Variants in ELMOD3 observed in about 807,000 individuals in gnomAD.
The protein encoded by ELMOD3 is ELMO domain-containing protein 3.
ELMOD3 carries 36 observed loss-of-function variants against 47.4 expected under a neutral mutation model. That is an observed-to-expected ratio of 0.76 (90% CI 0.58 to 1.00). The LOEUF (loss-of-function observed/expected upper bound fraction) is 1.00, where lower values mean the gene tolerates loss of function less well. ELMOD3 is among the 50% of genes least tolerant of loss of function. ELMOD3 has a pLI of 0.00. For missense variants in ELMOD3, 404 were observed against 463.8 expected, an observed-to-expected ratio of 0.87 and a Z score of 1.18; for synonymous variants, 149 against 183.5, an observed-to-expected ratio of 0.81 and a Z score of 1.52.
At chr2:85,389,566 C>G in intron 11 of ELMOD3, 185 bp from the exon 12 acceptor site, 1 of 610,428 alleles carries the variant, frequency 1.6e-6, no homozygotes, top group Non-Finnish European at 2.9e-6. Flanking sequence ...TACTAAAGGT[C>G]ACTGAGCCTT....
In ELMOD3 at chr2:85,376,968, T is replaced by C. The variant is rs1168234785; in HGVS notation, c.608-376T>C. On this transcript the variant is annotated intron_variant, in intron 10 of 13. Coordinates refer to ENST00000409013, the MANE Select transcript of ELMOD3 (RefSeq NM_001135022.2). This position sits in a 1 kb window ranked among gnomAD's most constrained non-coding sequence, Gnocchi z 4.2. ...GCCTTCTGTTTATTTTATATAGTAA[T>C]GTCCAGGGCTTTAGCTGTACTTAGT... The C allele has an allele frequency of 6.5e-6, 1 of 154,648 alleles. No homozygotes were observed. The highest frequency in any genetic ancestry group is 1.4e-5 in the Non-Finnish European group (1 of 69,568). 9.6% of individuals were successfully genotyped at this position (154,648 alleles called of 1,614,324 possible).
Position 85,390,211 on chromosome 2 carries a change from CAT to C in ELMOD3, c.890_891del (p.His297ArgfsTer70), listed in dbSNP as rs756572947. Reference sequence around the variant, plus strand: ...TGCCGCCACATTCCTCCACCTCGCACATGTCTGGAGGACACAGCGGAAGACCA... The same window carrying C: ...TGCCGCCACATTCCTCCACCTCGCACGTCTGGAGGACACAGCGGAAGACCA... ...FYAATFLHLA[H>X]VWRTQRKTIS... On this transcript the variant is annotated frameshift_variant, in exon 13 of 14. Coordinates refer to ENST00000409013, the MANE Select transcript of ELMOD3 (RefSeq NM_001135022.2). LOFTEE classifies it high-confidence loss of function. 56 of 1,614,092 alleles carry C rather than the reference CAT, an allele frequency of 3.5e-5. No individual in the cohort carries two copies. Among genetic ancestry groups the C allele is most frequent in the Non-Finnish European group, 4.4e-5 (52 of 1,180,032 alleles).
At chr2:85,390,529 G>A in intron 13 of ELMOD3, 1 of 1,587,312 alleles carries the variant, frequency 6.3e-7, no homozygotes, top group Non-Finnish European at 8.6e-7. Context: ...TCCAATAGTT[G>A]GACTATTCAA....
Position 85,371,524 on chromosome 2 carries a change from C to G in ELMOD3, c.569C>G (p.Ala190Gly). 1.2e-6 allele frequency: 2 copies of G among 1,614,178 alleles called. No individual in the cohort carries two copies. Among genetic ancestry groups the G allele is most frequent in the South Asian group, 2.2e-5 (2 of 91,082 alleles). The change falls in exon 10 of 14, where the codon GCC becomes GGC. Residue 190 changes from alanine to glycine, a missense_variant. By Grantham distance (60) the Ala-to-Gly change is moderately conservative. Coordinates refer to ENST00000409013, the MANE Select transcript of ELMOD3 (RefSeq NM_001135022.2). ...KKLTGSKFDCALHGNHWEDLG... is the reference protein window; with the variant it reads ...KKLTGSKFDCGLHGNHWEDLG... ...CTGACCGGCTCCAAGTTTGACTGTGCCCTTCATGGAAACCACTGGGAGGAC... is the reference window on the plus strand; with the variant it reads ...CTGACCGGCTCCAAGTTTGACTGTGGCCTTCATGGAAACCACTGGGAGGAC...
rs774846077 is a variant in ELMOD3, at chr2:85,369,775, TCTC to T, written c.308_310del (p.Ser103del). The T allele has an allele frequency of 5.6e-6, 9 of 1,613,968 alleles. No homozygotes were observed. In the East Asian group the frequency reaches 1.6e-4, roughly 28 times the overall value. On this transcript the variant is annotated inframe_deletion, in exon 8 of 14. Transcript: ENST00000409013. ...AGCTCAGAGCAGCCTGGGCAGCTAA[TCTC>T]CTTCAGTGAGGCCCTGCAGCACTTC...
At chr2:85,389,452 G>A (rs1686166660) in intron 11 of ELMOD3, 1 of 446,404 alleles carries the variant, frequency 2.2e-6, no homozygotes, top group Non-Finnish European at 4.1e-6. Flanking sequence ...GAGCTGACGG[G>A]TCAGGATGAT....
At chr2:85,363,934 A>C (rs1341171509) in intron 6 of ELMOD3, among the ~76,000 whole-genome samples, 3 of 152,162 alleles carry the variant, frequency 2.0e-5, no homozygotes, top group Non-Finnish European at 4.4e-5. Flanking sequence ...AGGCGGGGAC[A>C]CAGAGCCAAA....
chr2:85,377,347 C>T lies in ELMOD3; in HGVS notation c.611C>T (p.Ala204Val), dbSNP rs199957784. ...TTCCTCACGGTCTCTGTTACAGGAG[C>T]GAATCCAGCCACAGACCTGAGAGGC... ...NHWEDLGFQG[A>V]NPATDLRGAG... Residue 204 changes from alanine to valine, a missense_variant, in exon 11 of 14, where the codon GCG becomes GTG. Physicochemically the swap from Ala to Val is moderately conservative, Grantham distance 64. Transcript: ENST00000409013. The T allele has an allele frequency of 1.0e-5, 16 of 1,596,190 alleles. No individual in the cohort carries two copies. The highest frequency in any genetic ancestry group is 3.3e-4 in the Middle Eastern group (2 of 5,984).
Position 85,362,230 on chromosome 2 carries a change from C to T in ELMOD3, c.99C>T (p.Asp33=). 1 of 1,606,608 alleles carries T rather than the reference C, an allele frequency of 6.2e-7. No individual in the cohort carries two copies. Among genetic ancestry groups the T allele is most frequent in the Non-Finnish European group, 8.5e-7 (1 of 1,173,190 alleles). The change falls in exon 5 of 14, where the codon GAC becomes GAT. Residue 33 remains aspartate, a synonymous_variant. Transcript: ENST00000409013. Reference sequence around the variant, plus strand: ...GATATTCTCCATCATATGACAAGGACAAGAGTGTTCTGGCTTTCAGAGGAA... The same window carrying T: ...GATATTCTCCATCATATGACAAGGATAAGAGTGTTCTGGCTTTCAGAGGAA... ...SAGYSPSYDK[D]KSVLAFRGIP... is the part of the protein sequence containing the mutation.
At chr2:85,355,857 G>A (rs949031422) in intron 3 of ELMOD3, 3 of 152,196 alleles carry the variant, frequency 2.0e-5, no homozygotes, top group East Asian at 1.9e-4. Flanking sequence ...CCTGTCCCCC[G>A]GATTACAGTG....
intron 4 of ELMOD3, chr2:85,360,950 A>T (rs1291194878): frequency 1.3e-5 from 2 of 156,618 alleles, no homozygotes; most frequent in African/African-American, 4.8e-5. Context: ...GTTCAGAGAA[A>T]CTTCTCTAGT....
At chr2:85,387,307 GT>G in intron 11 of ELMOD3, 1 of 921,060 alleles carries the variant, frequency 1.1e-6, no homozygotes, top group African/African-American at 1.8e-5. Flanking sequence ...GTGATCTTAA[GT>G]AATGCTCACA....
At chr2:85,360,757 A>C (rs2104496696) in intron 4 of ELMOD3, 1 of 236,490 alleles carries the variant, frequency 4.2e-6, no homozygotes, top group Non-Finnish European at 9.3e-6. Context: ...ATAGGAACAA[A>C]CTTAGGCTCA....
intron 11 of ELMOD3, among the ~76,000 whole-genome samples, chr2:85,386,911 G>A (rs143539667): frequency 0.011 from 1,600 of 152,264 alleles, 25 homozygotes; most frequent in African/African-American, 0.037. Context: ...GCTAAGGCAG[G>A]AGAATCGCTT....
intron 4 of ELMOD3, among the ~76,000 whole-genome samples, chr2:85,361,955 G>C (rs1684001979): frequency 6.6e-6 from 1 of 151,770 alleles, no homozygotes; most frequent in Non-Finnish European, 1.5e-5. Flanking sequence ...AAAAGTGGAG[G>C]GTGGGAGGAG....
At chr2:85,389,511 C>T in intron 11 of ELMOD3, 1 of 574,062 alleles carries the variant, frequency 1.7e-6, no homozygotes, top group South Asian at 2.0e-5. Context: ...AGCTCTGGAG[C>T]AAATAACCTC....
intron 11 of ELMOD3, among the ~76,000 whole-genome samples, chr2:85,385,674 C>T (rs963325311): frequency 1.3e-5 from 2 of 152,024 alleles, no homozygotes; most frequent in Admixed American, 6.6e-5. Context: ...GGCCAGAGGG[C>T]GCAGGGCCTA....
At chr2:85,367,456 G>A (rs1207014795) in intron 6 of ELMOD3, 1 of 152,280 alleles carries the variant, frequency 6.6e-6, no homozygotes, top group East Asian at 1.9e-4. Flanking sequence ...GGAACTTCAG[G>A]TAGTTCTGGA....
Position 85,363,052 on chromosome 2 carries a change from G to A in ELMOD3, c.130-45G>A, listed in dbSNP as rs563364483. ...GTGGGAAGCGTTTGTGTATATGGGG[G>A]TATGTGGATTCTATCCTCAAGCTAA... On this transcript the variant is annotated intron_variant, in intron 5 of 13. Transcript: ENST00000409013. The A allele has an allele frequency of 5.0e-6, 6 of 1,196,400 alleles. No individual in the cohort carries two copies. The African/African-American group carries it at 7.5e-5, about 15-fold the overall frequency. The allele number at this position is 1,196,400 out of a possible 1,614,324, so 74.1% of individuals were successfully genotyped here.
Sources: gnomAD v4.1 joint callset for allele counts (sites outside exome capture counted in the v4.1 genomes callset) on GRCh38, gnomAD v4.1.1 for gene constraint, Gnocchi (gnomAD v3.1) non-coding constraint, MANE v1.5 for transcripts, NCBI Gene and HGNC (gene_info 2026-07-23, HGNC 2026-07-21) for gene names.